The following NEGR1 variants were observed in gnomAD, a reference collection of about 807,000 sequenced individuals.
NEGR1 encodes IgLON family member 4.
NEGR1 carries 10 observed loss-of-function variants against 40.9 expected under a neutral mutation model. The observed-to-expected ratio is 0.24, with a 90% CI of 0.15 to 0.42. NEGR1 has a LOEUF of 0.42. Among genes scored for constraint, NEGR1 ranks in the 10% least tolerant of loss-of-function variants. The pLI, the probability that NEGR1 is intolerant of heterozygous loss-of-function variation, is 1.00. For missense variants in NEGR1, 352 were observed against 438.9 expected, an observed-to-expected ratio of 0.80 and a Z score of 1.77; for synonymous variants, 185 against 166.8, an observed-to-expected ratio of 1.11 and a Z score of -0.84.
At chr1:72,199,111 T>C (rs933316587) in intron 1 of NEGR1, among the ~76,000 whole-genome samples, 1 of 151,014 alleles carries the variant, frequency 6.6e-6, no homozygotes, top group Admixed American at 6.6e-5. Context: ...GAATATCATA[T>C]AGTATTTAGT....
At chr1:72,173,403 T>A (rs891062570) in intron 1 of NEGR1, among the ~76,000 whole-genome samples, 4 of 148,150 alleles carry the variant, frequency 2.7e-5, no homozygotes, top group African/African-American at 9.9e-5. Context: ...TAAATTTATT[T>A]TAATGCAGTG....
intron 2 of NEGR1, among the ~76,000 whole-genome samples, chr1:71,784,405 T>A (rs944560203): frequency 6.6e-6 from 1 of 152,088 alleles, no homozygotes; most frequent in Non-Finnish European, 1.5e-5. Flanking sequence ...AATGTTAAAA[T>A]GTAACTAACC....
At chr1:72,029,396 G>A (rs538512339) in intron 1 of NEGR1, among the ~76,000 whole-genome samples, 1 of 152,102 alleles carries the variant, frequency 6.6e-6, no homozygotes, top group African/African-American at 2.4e-5. Context: ...AATGATCAAG[G>A]TATAAGAAAA....
chr1:71,730,482 C>A (rs1335603707), intron 3 of NEGR1, among the ~76,000 whole-genome samples: 1 of 148,978 alleles, frequency 6.7e-6, no homozygotes, highest in Non-Finnish European at 1.5e-5. Flanking sequence ...ATATAAGATG[C>A]AAATTACTAT....
chr1:71,490,232 C>G (rs1464341643), intron 6 of NEGR1, among the ~76,000 whole-genome samples: 1 of 151,846 alleles, frequency 6.6e-6, no homozygotes, highest in Non-Finnish European at 1.5e-5. Context: ...CCAAAGGTAG[C>G]AATAACAATT....
intron 1 of NEGR1, among the ~76,000 whole-genome samples, chr1:72,181,463 A>AATG (rs1315895749): frequency 2.6e-5 from 4 of 152,046 alleles, no homozygotes; most frequent in African/African-American, 9.7e-5. Context: ...TTGGGGTGGG[A>AATG]ATGTAGACTG....
intron 6 of NEGR1, among the ~76,000 whole-genome samples, chr1:71,510,504 G>A (rs1365853451): frequency 6.6e-6 from 1 of 152,200 alleles, no homozygotes; most frequent in Non-Finnish European, 1.5e-5. Context: ...CATGGCTCAT[G>A]CAGCTTGAAG....
intron 1 of NEGR1, among the ~76,000 whole-genome samples, chr1:72,037,945 T>C (rs1646917746): frequency 6.6e-6 from 1 of 151,966 alleles, no homozygotes; most frequent in Admixed American, 6.6e-5. Flanking sequence ...CACCTGCTGG[T>C]GGTATTCTTT....
In NEGR1 at chr1:71,783,485, C is replaced by T. The variant is rs541686554; in HGVS notation, c.410-7188G>A. On this transcript the variant is annotated intron_variant, in intron 2 of 6. Coordinates refer to ENST00000357731, the MANE Select transcript of NEGR1 (RefSeq NM_173808.3). ...AGCTGATAGACTATGACTGACTTGT[C>T]ACAGTTTATGGCATTTCAGAGATTT... 5.9e-5 allele frequency among the ~76,000 whole-genome samples: 9 copies of T among 152,240 alleles called. No homozygotes were observed. The East Asian group carries it at 1.7e-3, about 29-fold the overall frequency.
At chr1:71,746,770 ACG>A (rs556774590) in intron 3 of NEGR1, among the ~76,000 whole-genome samples, 7 of 147,682 alleles carry the variant, frequency 4.7e-5, no homozygotes, top group East Asian at 2.0e-4. Flanking sequence ...ACACACACAC[ACG>A]CACACACACA....
intron 6 of NEGR1, among the ~76,000 whole-genome samples, chr1:71,491,335 G>C (rs146732954): frequency 3.4e-4 from 51 of 152,074 alleles, no homozygotes; most frequent in Non-Finnish European, 1.0e-4. Flanking sequence ...ATCCAAGGGA[G>C]GTCTGAGAAC....
At chr1:71,865,993 T>G (rs983007758) in intron 2 of NEGR1, among the ~76,000 whole-genome samples, 12 of 152,194 alleles carry the variant, frequency 7.9e-5, no homozygotes, top group Non-Finnish European at 1.3e-4. Flanking sequence ...GTGTTGATTA[T>G]GTTATTTTCA....
intron 1 of NEGR1, among the ~76,000 whole-genome samples, chr1:72,053,445 C>CTA (rs1647081297): frequency 6.6e-6 from 1 of 150,652 alleles, no homozygotes. Flanking sequence ...GAATCTTAGC[C>CTA]TATATATAGG....
At chr1:72,132,558 T>C (rs552986929) in intron 1 of NEGR1, among the ~76,000 whole-genome samples, 5 of 152,292 alleles carry the variant, frequency 3.3e-5, no homozygotes, top group African/African-American at 1.2e-4. Context: ...ATGGTAATTT[T>C]TTGAAATGAC....
intron 1 of NEGR1, among the ~76,000 whole-genome samples, chr1:71,953,946 T>C (rs1217817761): frequency 1.3e-5 from 2 of 152,158 alleles, no homozygotes; most frequent in South Asian, 2.1e-4. Context: ...ATCCACTTTA[T>C]CGCAGTGGTC....
chr1:72,019,014 A>G (rs1207202661), intron 1 of NEGR1, among the ~76,000 whole-genome samples: 1 of 152,166 alleles, frequency 6.6e-6, no homozygotes, highest in Admixed American at 6.5e-5. Flanking sequence ...GGGGATGGTC[A>G]CATTGGAAAT....
chr1:71,944,396 G>A (rs1232419977), intron 1 of NEGR1, among the ~76,000 whole-genome samples: 1 of 152,122 alleles, frequency 6.6e-6, no homozygotes, highest in East Asian at 1.9e-4. Flanking sequence ...TCTTTGGGAT[G>A]GAGCCAGGTA....
chr1:72,029,693 A>G (rs541054401), intron 1 of NEGR1, among the ~76,000 whole-genome samples: 1 of 152,358 alleles, frequency 6.6e-6, no homozygotes, highest in African/African-American at 2.4e-5. Flanking sequence ...CGACAAAATG[A>G]AAAAAGAAAA....
At chr1:72,160,170 G>A (rs1049143947) in intron 1 of NEGR1, among the ~76,000 whole-genome samples, 1 of 152,072 alleles carries the variant, frequency 6.6e-6, no homozygotes, top group Non-Finnish European at 1.5e-5. Flanking sequence ...AACTATCAAG[G>A]TTTCATTCCT....
Sources: allele counts gnomAD v4.1 joint callset (sites outside exome capture counted in the v4.1 genomes callset), GRCh38; gene constraint gnomAD v4.1.1; transcripts MANE v1.5; gene names NCBI Gene and HGNC (gene_info 2026-07-23, HGNC 2026-07-21).